The following SRRM4 variants were observed in gnomAD, a reference collection of about 807,000 sequenced individuals.
SRRM4 encodes serine/arginine repetitive matrix protein 4.
A neutral mutation model predicts 68.9 loss-of-function variants in SRRM4; 33 were observed. The observed-to-expected ratio is 0.48, with a 90% CI of 0.36 to 0.64. The LOEUF (loss-of-function observed/expected upper bound fraction) is 0.64, where lower values mean the gene tolerates loss of function less well. SRRM4 is among the 30% of genes least tolerant of loss of function. The pLI is 0.00. For synonymous variants in SRRM4, 318 were observed against 318.8 expected (o/e 1.00, Z 0.03); for missense variants, 817 against 827.1 (o/e 0.99, Z 0.15).
At chr12:119,151,366 G>A in intron 10 of SRRM4, 146 bp downstream of exon 10, 10 of 710,386 alleles carry the variant, frequency 1.4e-5, no homozygotes, top group South Asian at 1.3e-4. Flanking sequence ...TGGTGGCCTT[G>A]GGAAAGTCAG....
chr12:119,052,330 T>A (rs1259621782), intron 1 of SRRM4, among the ~76,000 whole-genome samples: 1 of 152,194 alleles, frequency 6.6e-6, no homozygotes, highest in Non-Finnish European at 1.5e-5. Context: ...TTAGGTTTCA[T>A]GTATGTCTCT....
Position 119,154,273 on chromosome 12 carries a change from C to A in SRRM4, c.1422C>A (p.Asp474Glu). 1 of 1,609,668 alleles carries A rather than the reference C, an allele frequency of 6.2e-7. No homozygotes were observed. The highest frequency in any genetic ancestry group is 8.5e-7 in the Non-Finnish European group (1 of 1,178,050). Residue 474 changes from aspartate (D) to glutamate (E), a missense_variant, in exon 12 of 13, where the codon GAC becomes GAA. Asp to Glu is a conservative substitution (Grantham distance 45, BLOSUM62 2). Coordinates refer to ENST00000267260, the MANE Select transcript of SRRM4 (RefSeq NM_194286.4). This position sits in a 1 kb window ranked among gnomAD's most constrained non-coding sequence, Gnocchi z 4.7. ...GGGATCCCAAATACAGTGAGAAGGACTCGCAGCAGCGGGAGCGCGAGCGAG... is the reference window on the plus strand; with the variant it reads ...GGGATCCCAAATACAGTGAGAAGGAATCGCAGCAGCGGGAGCGCGAGCGAG... ...RERDPKYSEK[D>E]SQQRERERAR... is the part of the protein sequence containing the mutation.
At position 119,158,124 on chromosome 12, in the gene SRRM4, A is replaced by G. The variant is rs1954485714; in HGVS notation, c.*1326A>G. The stretch of plus-strand genomic sequence containing the variant: ...ATCCACAAATACCACCAGCTGCTTC[A>G]TCCACAGAAGGCGCTAAGAACGGGG... On this transcript the variant is annotated 3_prime_UTR_variant, in exon 13 of 13. Coordinates refer to ENST00000267260, the MANE Select transcript of SRRM4 (RefSeq NM_194286.4). The G allele has an allele frequency of 6.5e-6, 1 of 152,706 alleles. No homozygotes were observed. The highest frequency in any genetic ancestry group is 2.4e-5 in the African/African-American group (1 of 41,422). 9.5% of individuals were successfully genotyped at this position (152,706 alleles called of 1,614,324 possible).
chr12:119,069,606 G>A (rs1953865817), intron 1 of SRRM4: 1 of 152,140 alleles, frequency 6.6e-6, no homozygotes, highest in South Asian at 2.1e-4. Flanking sequence ...AGAGGATGTG[G>A]GTGCTGACCT....
At chr12:119,152,236 G>C (rs1467442785) in intron 10 of SRRM4, among the ~76,000 whole-genome samples, 1 of 152,168 alleles carries the variant, frequency 6.6e-6, no homozygotes, top group Non-Finnish European at 1.5e-5. Flanking sequence ...TGCTTATTTA[G>C]CTGGTCATCT....
chr12:119,040,123 A>G (rs1594039080), intron 1 of SRRM4, among the ~76,000 whole-genome samples: 1 of 152,304 alleles, frequency 6.6e-6, no homozygotes, highest in East Asian at 1.9e-4. Flanking sequence ...GAAAGGAGAA[A>G]AAAAGGCACC....
rs1353559036 is a variant in SRRM4, at chr12:119,114,274, A to C, written c.279-4A>C. On this transcript the variant is annotated splice_region_variant and splice_polypyrimidine_tract_variant and intron_variant, in intron 2 of 12. Coordinates refer to ENST00000267260, the MANE Select transcript of SRRM4 (RefSeq NM_194286.4). ...TCTAATGCTCCTCTCTTTGCTCCTC[A>C]CAGTGCCTCTCATGACAAAGACTTG... 6.2e-7 allele frequency: 1 copy of C among 1,611,538 alleles called. No homozygotes were observed. Among genetic ancestry groups the C allele is most frequent in the African/African-American group, 1.3e-5 (1 of 74,998 alleles).
chr12:119,081,967 T>C (rs931219922), intron 1 of SRRM4, among the ~76,000 whole-genome samples: 7 of 152,364 alleles, frequency 4.6e-5, no homozygotes, highest in African/African-American at 1.7e-4. Flanking sequence ...TCTCAAATTT[T>C]AGTCTTTAAT....
intron 8 of SRRM4, among the ~76,000 whole-genome samples, chr12:119,139,721 G>A (rs1954352963): frequency 1.3e-5 from 2 of 152,080 alleles, no homozygotes; most frequent in Non-Finnish European, 2.9e-5. Context: ...GAGAGCAACT[G>A]GCAGATCAAA....
intron 1 of SRRM4, among the ~76,000 whole-genome samples, chr12:119,019,948 CT>C (rs1178992135): frequency 9.6e-3 from 619 of 64,652 alleles, no homozygotes; most frequent in African/African-American, 0.014. Flanking sequence ...GTTCCCCCCG[CT>C]CCCCCCCCCC....
chr12:119,145,296 C>A (rs1954394003), intron 8 of SRRM4, 85 bp from the exon 9 acceptor site: 3 of 1,189,970 alleles, frequency 2.5e-6, no homozygotes, highest in Non-Finnish European at 3.5e-6. Context: ...TACAGTGCAT[C>A]ATGACGGTAA....
At chr12:119,143,108 T>G (rs912080114) in intron 8 of SRRM4, among the ~76,000 whole-genome samples, 1 of 152,226 alleles carries the variant, frequency 6.6e-6, no homozygotes, top group East Asian at 1.9e-4. Context: ...TCACCTTGCC[T>G]GTATGCAAAG....
chr12:119,024,969 C>T (rs760773218), intron 1 of SRRM4, among the ~76,000 whole-genome samples: 26 of 152,120 alleles, frequency 1.7e-4, no homozygotes, highest in Admixed American at 4.6e-4. Flanking sequence ...TGAGAGGATA[C>T]GGTGCTGCCC....
At chr12:119,130,409 AGATGGATG>A (rs71069491) in intron 7 of SRRM4, among the ~76,000 whole-genome samples, 19,137 of 142,338 alleles carry the variant, frequency 0.13, 1,424 homozygotes, top group African/African-American at 0.23. Context: ...TTGCTTAGAC[AGATGGATG>A]GATGGATGGA....
At chr12:119,129,548 C>T (rs1954280847) in intron 7 of SRRM4, among the ~76,000 whole-genome samples, 1 of 152,146 alleles carries the variant, frequency 6.6e-6, no homozygotes, top group African/African-American at 2.4e-5. Context: ...TAGACAAACA[C>T]ATGGAAACAC....
chr12:119,082,879 G>A (rs1339340428), intron 1 of SRRM4, among the ~76,000 whole-genome samples: 2 of 152,216 alleles, frequency 1.3e-5, no homozygotes, highest in African/African-American at 4.8e-5. Flanking sequence ...AGAAGGGTTT[G>A]GACTTGGGGA....
intron 8 of SRRM4, among the ~76,000 whole-genome samples, chr12:119,140,754 T>A (rs1954360199): frequency 6.6e-6 from 1 of 152,220 alleles, no homozygotes; most frequent in African/African-American, 2.4e-5. Context: ...CAGCTTATGC[T>A]GTTGAGAATC....
intron 1 of SRRM4, among the ~76,000 whole-genome samples, chr12:119,055,456 G>A (rs1953770621): frequency 6.6e-6 from 1 of 152,070 alleles, no homozygotes; most frequent in Non-Finnish European, 1.5e-5. Context: ...TTTTCCAAGT[G>A]GCAAGTACCA....
chr12:119,005,909 G>A (rs184947407), intron 1 of SRRM4, among the ~76,000 whole-genome samples: 190 of 152,268 alleles, frequency 1.2e-3, no homozygotes, highest in Non-Finnish European at 2.3e-3. Context: ...CAAACAAGCC[G>A]TGTGACCTTG....
Sources: allele counts gnomAD v4.1 joint callset (sites outside exome capture counted in the v4.1 genomes callset), GRCh38; gene constraint gnomAD v4.1.1; non-coding constraint Gnocchi (gnomAD v3.1); transcripts MANE v1.5; gene names NCBI Gene and HGNC (gene_info 2026-07-23, HGNC 2026-07-21).